MAEL: variants seen among roughly 807,000 people sequenced by gnomAD.
The protein encoded by MAEL is maelstrom spermatogenic transposon silencer.
Under a neutral mutation model 62.0 loss-of-function variants are expected in MAEL, and 46 were observed. The observed-to-expected ratio is 0.74, with a 90% CI of 0.59 to 0.95. The LOEUF (loss-of-function observed/expected upper bound fraction) is 0.95, where lower values mean the gene tolerates loss of function less well. Ranked by LOEUF, MAEL falls within the 40% of genes least tolerant of loss-of-function variation. MAEL has a pLI of 0.00. For synonymous variants in MAEL, 172 were observed against 175.5 expected, an observed-to-expected ratio of 0.98 and a Z score of 0.16; for missense variants, 497 against 526.8, an observed-to-expected ratio of 0.94 and a Z score of 0.55.
intron 10 of MAEL, among the ~76,000 whole-genome samples, chr1:167,020,494 A>G (rs571309822): frequency 2.0e-5 from 3 of 152,172 alleles, no homozygotes; most frequent in East Asian, 3.9e-4. Context: ...CTCTAGTCTG[A>G]TTAATTTCCT....
intron 1 of MAEL, among the ~76,000 whole-genome samples, chr1:166,979,262 T>C (rs777283398): frequency 1.3e-5 from 2 of 152,174 alleles, no homozygotes; most frequent in Non-Finnish European, 2.9e-5. Flanking sequence ...ATTTTTCTCA[T>C]GTAAGTTTGG....
chr1:166,988,348 TAAAAAAAAAAA>T (rs71073633), upstream of MAEL, among the ~76,000 whole-genome samples: 3 of 93,102 alleles, frequency 3.2e-5, no homozygotes, highest in East Asian at 3.1e-4. Flanking sequence ...AGACCCTGTC[TAAAAAAAAAAA>T]AAAAAAAAAA....
intron 1 of MAEL, among the ~76,000 whole-genome samples, chr1:166,979,765 G>T (rs1272511606): frequency 6.6e-6 from 1 of 152,198 alleles, no homozygotes; most frequent in Non-Finnish European, 1.5e-5. Context: ...GTGATGCTTT[G>T]TGTGCCCCAT....
chr1:166,985,168 T>C (rs1020008322), upstream of MAEL, among the ~76,000 whole-genome samples: 1 of 152,140 alleles, frequency 6.6e-6, no homozygotes, highest in South Asian at 2.1e-4. Context: ...GGTAGCTGCC[T>C]GGAGAGAGTA....
chr1:167,003,419 A>G (rs117688120), intron 5 of MAEL, among the ~76,000 whole-genome samples: 2 of 152,120 alleles, frequency 1.3e-5, no homozygotes, highest in Non-Finnish European at 2.9e-5. Context: ...CTGATTGTTC[A>G]TGGAGTATTT....
chr1:167,006,018 G>A (rs1402940854), intron 8 of MAEL: 2 of 152,144 alleles, frequency 1.3e-5, no homozygotes, highest in Admixed American at 6.5e-5. Flanking sequence ...AGCTAAGCAG[G>A]GATTGGCCTG....
At chr1:167,021,632 T>C in intron 11 of MAEL, 36 bp from the exon 12 acceptor site, 3 of 1,416,340 alleles carry the variant, frequency 2.1e-6, no homozygotes, top group South Asian at 1.4e-5. Flanking sequence ...ATTATAAAAT[T>C]GCTATATCTC....
At chr1:166,977,772 T>TG (rs1295700186) in intron 1 of MAEL, among the ~76,000 whole-genome samples, 5 of 149,638 alleles carry the variant, frequency 3.3e-5, no homozygotes, top group Admixed American at 1.3e-4. Context: ...AGTAACATGG[T>TG]GAAACCCCAT....
At position 167,011,104 on chromosome 1, in the gene MAEL, G is replaced by T. The variant is rs1665154196; in HGVS notation, c.846-5118G>T. Among the ~76,000 whole-genome samples, 3 of 151,946 alleles carry T rather than the reference G, an allele frequency of 2.0e-5. No individual in the cohort carries two copies. The South Asian group carries it at 6.2e-4, about 32-fold the overall frequency. ...GTGCTCTGATCTACTAGGACTGTTT[G>T]AATATTTACGTAAAGAATGGGCTTC... On this transcript the variant is annotated intron_variant, in intron 8 of 11. Coordinates refer to ENST00000367872, the MANE Select transcript of MAEL (RefSeq NM_032858.3).
At chr1:167,003,554 A>G (rs1337620864) in intron 5 of MAEL, among the ~76,000 whole-genome samples, 5 of 152,126 alleles carry the variant, frequency 3.3e-5, no homozygotes, top group Non-Finnish European at 7.4e-5. Context: ...TGTTAAAAGC[A>G]CTCTATTCAG....
At chr1:166,991,763 CTTAAG>C (rs942485196) in intron 3 of MAEL, among the ~76,000 whole-genome samples, 3 of 150,872 alleles carry the variant, frequency 2.0e-5, no homozygotes, top group Non-Finnish European at 4.4e-5. Context: ...CTTAAATATA[CTTAAG>C]TTAAAAACAA....
intron 8 of MAEL, among the ~76,000 whole-genome samples, chr1:167,014,632 ATTTG>A (rs1457156452): frequency 6.6e-6 from 1 of 152,214 alleles, no homozygotes. Context: ...TAAATGTTTT[ATTTG>A]TTTCTTCTGT....
chr1:167,018,264 A>T (rs1396832582), intron 10 of MAEL, among the ~76,000 whole-genome samples: 3 of 152,204 alleles, frequency 2.0e-5, no homozygotes, highest in Non-Finnish European at 4.4e-5. Flanking sequence ...AATGTAAGTA[A>T]TATAAATATT....
At chr1:167,006,477 T>C (rs953676507) in intron 8 of MAEL, among the ~76,000 whole-genome samples, 1 of 151,700 alleles carries the variant, frequency 6.6e-6, no homozygotes, top group African/African-American at 2.4e-5. Flanking sequence ...GACTGACTGC[T>C]CAGTGTGTCA....
intron 5 of MAEL, among the ~76,000 whole-genome samples, chr1:166,995,700 T>A (rs1260828250): frequency 6.6e-6 from 1 of 151,362 alleles, no homozygotes; most frequent in Admixed American, 6.6e-5. Context: ...AAAAAAAAAA[T>A]GGAAACTTAG....
At chr1:167,017,990 C>A in intron 10 of MAEL, 31 bp downstream of exon 10, 1 of 1,608,716 alleles carries the variant, frequency 6.2e-7, no homozygotes, top group South Asian at 1.1e-5. Context: ...AGCTGCTGGT[C>A]TCTTTAGCTG....
At chr1:167,017,702 A>C in intron 9 of MAEL, 125 bp from the exon 10 acceptor site, 1 of 777,454 alleles carries the variant, frequency 1.3e-6, no homozygotes, top group Non-Finnish European at 1.9e-6. Flanking sequence ...GAATCTCCAA[A>C]TTTATTTTTT....
At chr1:167,009,868 A>G (rs1665093280) in intron 8 of MAEL, among the ~76,000 whole-genome samples, 1 of 151,124 alleles carries the variant, frequency 6.6e-6, no homozygotes, top group South Asian at 2.1e-4. Flanking sequence ...CTCTTTCTTG[A>G]GTTAAGTAAT....
intron 6 of MAEL, among the ~76,000 whole-genome samples, chr1:167,004,615 G>A (rs1462053071): frequency 3.9e-5 from 6 of 152,046 alleles, no homozygotes; most frequent in Non-Finnish European, 7.4e-5. Context: ...ATTCTATTCC[G>A]TACACCTATC....
Sources: gnomAD v4.1 joint callset for allele counts (sites outside exome capture counted in the v4.1 genomes callset) on GRCh38, gnomAD v4.1.1 for gene constraint, MANE v1.5 for transcripts, NCBI Gene and HGNC (gene_info 2026-07-23, HGNC 2026-07-21) for gene names.